The following NPLOC4 variants were observed in gnomAD, a reference collection of about 807,000 sequenced individuals.
NPLOC4 encodes the protein nuclear protein localization protein 4 homolog.
NPLOC4 carries 18 observed loss-of-function variants against 80.6 expected under a neutral mutation model. The ratio of observed to expected loss-of-function variants is 0.22; its 90% confidence interval spans 0.15 to 0.33. The LOEUF (loss-of-function observed/expected upper bound fraction) is 0.33, where lower values mean the gene tolerates loss of function less well. Ranked by LOEUF, NPLOC4 falls within the 10% of genes least tolerant of loss-of-function variation. The pLI is 1.00. For synonymous variants in NPLOC4, 313 were observed against 301.5 expected (o/e 1.04, Z -0.39); for missense variants, 540 against 786.1 (o/e 0.69, Z 3.74).
chr17:81,626,244 A>G (rs2035791966), intron 2 of NPLOC4, among the ~76,000 whole-genome samples: 1 of 151,494 alleles, frequency 6.6e-6, no homozygotes, highest in South Asian at 2.1e-4. Context: ...TGAACCCCGG[A>G]GGCGGAGGTT....
chr17:81,622,920 C>T (rs1303153264), intron 2 of NPLOC4, among the ~76,000 whole-genome samples: 4 of 151,446 alleles, frequency 2.6e-5, no homozygotes, highest in Non-Finnish European at 4.4e-5. Flanking sequence ...CCAGGCCAGG[C>T]GTGGTGGCTC....
rs1201855659 is a variant in NPLOC4, at chr17:81,577,182, C to A, written c.1282-5094G>T. ...CTGGCTCCTTGAAGGAACGCTGTTC[C>A]CTTGCTGCTCCTATGTCCCCTCAGC... is the stretch of plus-strand genomic sequence containing the variant. On this transcript the variant is annotated intron_variant, in intron 12 of 16. Transcript: ENST00000331134. This position sits in a 1 kb window ranked among gnomAD's most constrained non-coding sequence, Gnocchi z 4.3. Among the ~76,000 whole-genome samples, 1 of 152,030 alleles carries A rather than the reference C, an allele frequency of 6.6e-6. No individual in the cohort carries two copies. Among genetic ancestry groups the A allele is most frequent in the Non-Finnish European group, 1.5e-5 (1 of 67,996 alleles).
intron 2 of NPLOC4, among the ~76,000 whole-genome samples, chr17:81,624,118 C>T (rs2035737284): frequency 6.6e-6 from 1 of 152,016 alleles, no homozygotes; most frequent in Admixed American, 6.6e-5. Context: ...AACCCCATCT[C>T]TCCTAAAAAT....
intron 2 of NPLOC4, among the ~76,000 whole-genome samples, chr17:81,624,971 C>T (rs1351397984): frequency 6.6e-6 from 1 of 152,194 alleles, no homozygotes; most frequent in African/African-American, 2.4e-5. Context: ...CAGGGGGAAT[C>T]ATCATCCACA....
At chr17:81,591,447 G>GAAAAACAA (rs2034737824) in intron 11 of NPLOC4, among the ~76,000 whole-genome samples, 1 of 76,326 alleles carries the variant, frequency 1.3e-5, no homozygotes, top group African/African-American at 5.1e-5. Context: ...GAGTAAAACA[G>GAAAAACAA]AAAAAAAAAA....
chr17:81,576,296 T>C (rs1483365292), intron 12 of NPLOC4, among the ~76,000 whole-genome samples: 1 of 152,208 alleles, frequency 6.6e-6, no homozygotes, highest in Non-Finnish European at 1.5e-5. Flanking sequence ...GGGGAAAGAA[T>C]TACAGTTGGC....
Position 81,567,592 on chromosome 17 carries a change from AAC to A in NPLOC4, c.1450-61_1450-60del. The A allele has an allele frequency of 9.7e-7, 1 of 1,034,122 alleles. No individual in the cohort carries two copies. Among genetic ancestry groups the A allele is most frequent in the Admixed American group, 2.0e-5 (1 of 50,608 alleles). 64.1% of individuals were successfully genotyped at this position (1,034,122 alleles called of 1,614,324 possible). ...ACAGTTCCCCAGTGCCAGACCCCGA[AAC>A]AGAGCTGTTTCCTACTAAGACGCAA... On this transcript the variant is annotated intron_variant, in intron 14 of 16. Coordinates refer to ENST00000331134, the MANE Select transcript of NPLOC4 (RefSeq NM_017921.4). This position sits in a 1 kb window ranked among gnomAD's most constrained non-coding sequence, Gnocchi z 4.5.
Position 81,564,798 on chromosome 17 carries a change from A to G in NPLOC4, c.1669+707T>C, listed in dbSNP as rs529221509. ...AGCCAAACTCCGTCTCAAAAAAAAA[A>G]AAAAAAACAGGAAATGGTATAAAGG... On this transcript the variant is annotated intron_variant, in intron 16 of 16. Coordinates refer to ENST00000331134, the MANE Select transcript of NPLOC4 (RefSeq NM_017921.4). 3 of 152,720 alleles carry G rather than the reference A, an allele frequency of 2.0e-5. No homozygotes were observed. In the East Asian group the frequency reaches 5.8e-4, roughly 29 times the overall value. The allele number at this position is 152,720 out of a possible 1,614,324, so 9.5% of individuals were successfully genotyped here. A position where few individuals can be genotyped will look rare whatever the true frequency, so the allele number is the denominator to read the frequency against.
At chr17:81,604,379 G>A (rs977725979) in intron 8 of NPLOC4, among the ~76,000 whole-genome samples, 169 bp downstream of exon 8, 10 of 152,124 alleles carry the variant, frequency 6.6e-5, no homozygotes, top group Admixed American at 1.3e-4. Context: ...GAAGGTTTTA[G>A]GAGCCATGAT....
At chr17:81,581,380 A>G (rs2034437407) in intron 12 of NPLOC4, among the ~76,000 whole-genome samples, 1 of 134,652 alleles carries the variant, frequency 7.4e-6, no homozygotes, top group African/African-American at 2.7e-5. Context: ...AAAAAAAGTT[A>G]ATAAAATCAC....
chr17:81,618,175 C>T (rs2144277245), intron 3 of NPLOC4, among the ~76,000 whole-genome samples: 1 of 150,516 alleles, frequency 6.6e-6, no homozygotes, highest in South Asian at 2.1e-4. Flanking sequence ...AAGTGAGGAG[C>T]GTCTCTGCCC....
At position 81,613,392 on chromosome 17, in the gene NPLOC4, G is replaced by A. The variant is rs534634722; in HGVS notation, c.312C>T (p.Asn104=). Reference sequence around the variant, plus strand: ...ACTGATCAATCTCATCCTCCACCACGTTGGGAGCGCCAAAGACTTTGAAGC... The same window carrying A: ...ACTGATCAATCTCATCCTCCACCACATTGGGAGCGCCAAAGACTTTGAAGC... ...PPGFKVFGAP[N]VVEDEIDQYL... is the part of the protein sequence containing the mutation. Residue 104 remains asparagine, a synonymous_variant, in exon 4 of 17, where the codon AAC becomes AAT. Coordinates refer to ENST00000331134, the MANE Select transcript of NPLOC4 (RefSeq NM_017921.4). 1.1e-5 allele frequency: 18 copies of A among 1,613,942 alleles called. No homozygotes were observed. The Admixed American group carries it at 1.5e-4, about 13-fold the overall frequency.
intron 1 of NPLOC4, among the ~76,000 whole-genome samples, chr17:81,631,462 T>TCCC (rs79975064): frequency 0.49 from 60,654 of 123,770 alleles, 15,621 homozygotes; most frequent in East Asian, 0.82. Flanking sequence ...TTTTTTTTTT[T>TCCC]CCCCCACGGC....
intron 9 of NPLOC4, among the ~76,000 whole-genome samples, chr17:81,598,193 A>T (rs1390637493): frequency 6.6e-6 from 1 of 151,848 alleles, no homozygotes; most frequent in Non-Finnish European, 1.5e-5. Context: ...CCTTTTTGTG[A>T]GCCAGGTGAA....
At chr17:81,576,604 A>T (rs913960782) in intron 12 of NPLOC4, among the ~76,000 whole-genome samples, 6 of 152,330 alleles carry the variant, frequency 3.9e-5, no homozygotes, top group African/African-American at 1.4e-4. Context: ...TTGAAATCAG[A>T]AAATATTTCA....
At chr17:81,629,971 G>A (rs1028244325) in intron 1 of NPLOC4, 166 bp from the exon 2 acceptor site, 41 of 576,756 alleles carry the variant, frequency 7.1e-5, no homozygotes, top group Non-Finnish European at 1.2e-4. Flanking sequence ...ATATGATGCC[G>A]AGGGGTGAGA....
intron 12 of NPLOC4, among the ~76,000 whole-genome samples, chr17:81,575,876 G>C (rs144676952): frequency 6.6e-6 from 1 of 152,218 alleles, no homozygotes; most frequent in East Asian, 1.9e-4. Flanking sequence ...CTCTTCTGTC[G>C]ATGGCAGTTT....
chr17:81,561,484 T>G (rs1186584712), intron 16 of NPLOC4, among the ~76,000 whole-genome samples: 1 of 152,260 alleles, frequency 6.6e-6, no homozygotes, highest in Non-Finnish European at 1.5e-5. Context: ...TTACCTATTT[T>G]TATGCCAGTG....
At chr17:81,633,868 G>A (rs904701912) in intron 1 of NPLOC4, among the ~76,000 whole-genome samples, 1 of 129,924 alleles carries the variant, frequency 7.7e-6, no homozygotes, top group Non-Finnish European at 1.6e-5. Flanking sequence ...ACCGCGCCCA[G>A]CTAATTTTTT....
Sources: allele counts gnomAD v4.1 joint callset (sites outside exome capture counted in the v4.1 genomes callset), GRCh38; gene constraint gnomAD v4.1.1; non-coding constraint Gnocchi (gnomAD v3.1); transcripts MANE v1.5; gene names NCBI Gene and HGNC (gene_info 2026-07-23, HGNC 2026-07-21).